ATF6: variants seen among roughly 807,000 people sequenced by gnomAD.
ATF6 encodes cyclic AMP-dependent transcription factor ATF-6 alpha.
A neutral mutation model predicts 83.6 loss-of-function variants in ATF6; 53 were observed. That is an observed-to-expected ratio of 0.63 (90% CI 0.51 to 0.80). The LOEUF (loss-of-function observed/expected upper bound fraction) is 0.80, where lower values mean the gene tolerates loss of function less well. Among genes scored for constraint, ATF6 ranks in the 30% least tolerant of loss-of-function variants. The probability of loss-of-function intolerance (pLI) is 0.00; values close to 1 mark genes in which losing one functional copy is unlikely to be tolerated. For missense variants in ATF6, 744 were observed against 797.9 expected, an observed-to-expected ratio of 0.93 and a Z score of 0.81; for synonymous variants, 288 against 285.8, an observed-to-expected ratio of 1.01 and a Z score of -0.08.
chr1:161,919,336 T>A lies in ATF6; in HGVS notation c.1804+6956T>A, dbSNP rs181118411. ...TGGATGATGGACTAAAAGCTACTGA[T>A]TTCTTTTTTTTAAAGGATTTTGGAA... On this transcript the variant is annotated intron_variant, in intron 15 of 15. Transcript: ENST00000367942. Among the ~76,000 whole-genome samples the A allele has an allele frequency of 3.5e-3, 529 of 152,284 alleles. 3 individuals are homozygous for A. The highest frequency in any genetic ancestry group is 3.5e-3 in the South Asian group (17 of 4,826).
Position 161,958,615 on chromosome 1 carries a change from A to C in ATF6, c.1974A>C (p.Ala658=), listed in dbSNP as rs1265582482. 1 of 1,613,872 alleles carries C rather than the reference A, an allele frequency of 6.2e-7. No homozygotes were observed. The highest frequency in any genetic ancestry group is 8.5e-7 in the Non-Finnish European group (1 of 1,179,902). The part of the protein sequence containing the change: ...FFGSPPAATE[A]THVVSTIPES... ...GCTCCCCTCCCGCAGCCACAGAGGCAACCCACGTTGTCAGCACCATCCCTG... is the reference window on the plus strand; with the variant it reads ...GCTCCCCTCCCGCAGCCACAGAGGCCACCCACGTTGTCAGCACCATCCCTG... The change falls in exon 16 of 16, where the codon GCA becomes GCC. Residue 658 remains alanine, a synonymous_variant. Transcript: ENST00000367942.
chr1:161,835,088 G>A (rs534949102), intron 9 of ATF6, among the ~76,000 whole-genome samples: 1 of 152,136 alleles, frequency 6.6e-6, no homozygotes, highest in East Asian at 1.9e-4. Flanking sequence ...TTTATTTTTA[G>A]AGACAGGATC....
chr1:161,939,170 T>C (rs566542467), intron 15 of ATF6, among the ~76,000 whole-genome samples: 2 of 152,344 alleles, frequency 1.3e-5, no homozygotes, highest in African/African-American at 4.8e-5. Context: ...ATTTACGTGA[T>C]TTCACTGAGA....
chr1:161,799,413 C>T (rs182608410), intron 6 of ATF6, among the ~76,000 whole-genome samples: 6 of 152,174 alleles, frequency 3.9e-5, no homozygotes, highest in Admixed American at 3.9e-4. Flanking sequence ...GGACAATAGA[C>T]AACAGGGGCT....
chr1:161,773,374 T>A (rs546893024), intron 1 of ATF6, among the ~76,000 whole-genome samples: 1 of 152,104 alleles, frequency 6.6e-6, no homozygotes, highest in African/African-American at 2.4e-5. Flanking sequence ...CCTGACCTCA[T>A]GATCCGCCTG....
chr1:161,874,802 C>T (rs1252442376), intron 14 of ATF6, among the ~76,000 whole-genome samples: 1 of 151,644 alleles, frequency 6.6e-6, no homozygotes, highest in Non-Finnish European at 1.5e-5. Flanking sequence ...TTTTCTTTGA[C>T]TTTGGAATGA....
intron 13 of ATF6, among the ~76,000 whole-genome samples, chr1:161,861,470 A>G (rs763297044): frequency 5.3e-5 from 8 of 152,218 alleles, no homozygotes; most frequent in Non-Finnish European, 8.8e-5. Context: ...TGTTTAAATA[A>G]TAACTAATCA....
intron 1 of ATF6, among the ~76,000 whole-genome samples, chr1:161,767,856 T>C (rs1432427510): frequency 6.6e-6 from 1 of 152,220 alleles, no homozygotes. Context: ...ACATTTCTTT[T>C]CTTTACCTCT....
Position 161,933,826 on chromosome 1 carries a change from C to G in ATF6, c.1804+21446C>G, listed in dbSNP as rs114502490. Among the ~76,000 whole-genome samples the G allele has an allele frequency of 1.5e-3, 226 of 152,308 alleles. 2 individuals carry two copies. Among genetic ancestry groups the G allele is most frequent in the Middle Eastern group, 6.8e-3 (2 of 294 alleles). Reference sequence around the variant, plus strand: ...CACTCCAGCACAGTTTTTCTTGCTCCTCCCCATGTTGATGCTCATGCATGC... The same window carrying G: ...CACTCCAGCACAGTTTTTCTTGCTCGTCCCCATGTTGATGCTCATGCATGC... On this transcript the variant is annotated intron_variant, in intron 15 of 15. Coordinates refer to ENST00000367942, the MANE Select transcript of ATF6 (RefSeq NM_007348.4).
rs200220130 is a variant in ATF6 at position 161,766,377 on chromosome 1, G to A, written c.17G>A (p.Gly6Glu). The A allele has an allele frequency of 6.2e-7, 1 of 1,612,962 alleles. No individual in the cohort carries two copies. Among genetic ancestry groups the A allele is most frequent in the South Asian group, 1.1e-5 (1 of 90,758 alleles). Residue 6 changes from glycine to glutamate, a missense_variant, in exon 1 of 16, where the codon GGG becomes GAG. Physicochemically the swap from Gly to Glu is moderately conservative, Grantham distance 98. Coordinates refer to ENST00000367942, the MANE Select transcript of ATF6 (RefSeq NM_007348.4). The stretch of plus-strand genomic sequence containing the variant: ...ACTTGTGAAATGGGGGAGCCGGCTG[G>A]GGTTGCCGGCACCATGGAGTCACCT... MGEPA[G>E]VAGTMESPFS...
Position 161,819,709 on chromosome 1 carries a change from A to T in ATF6, c.986A>T (p.Glu329Val). 1 of 1,613,384 alleles carries T rather than the reference A, an allele frequency of 6.2e-7. No homozygotes were observed. Among genetic ancestry groups the T allele is most frequent in the Middle Eastern group, 1.7e-4 (1 of 6,060 alleles). Residue 329 changes from glutamate (E) to valine (V), a missense_variant, in exon 8 of 16, where the codon GAA becomes GTA. Physicochemically the swap from Glu to Val is moderately radical, Grantham distance 121. Transcript: ENST00000367942. ...TGTCAGTCTCGCAAGAAGAAGAAAG[A>T]ATATATGCTAGGGTTAGAGGCGAGA... ...SACQSRKKKK[E>V]YMLGLEARLK...
intron 6 of ATF6, among the ~76,000 whole-genome samples, chr1:161,795,568 A>G (rs1469159769): frequency 6.6e-6 from 1 of 152,264 alleles, no homozygotes; most frequent in East Asian, 1.9e-4. Context: ...ATCTTTGAAG[A>G]AAGTTTAAAA....
At chr1:161,805,191 G>A (rs1354323032) in intron 7 of ATF6, among the ~76,000 whole-genome samples, 1 of 151,572 alleles carries the variant, frequency 6.6e-6, no homozygotes, top group Non-Finnish European at 1.5e-5. Context: ...ATATACCGTT[G>A]ACCTACATAT....
intron 14 of ATF6, among the ~76,000 whole-genome samples, chr1:161,864,169 T>G (rs891898031): frequency 3.3e-5 from 5 of 151,888 alleles, no homozygotes; most frequent in African/African-American, 1.2e-4. Flanking sequence ...TAGCTGGCTT[T>G]CTTTTTTTTT....
intron 2 of ATF6, among the ~76,000 whole-genome samples, chr1:161,780,020 G>A (rs142092311): frequency 0.013 from 1,980 of 152,216 alleles, 48 homozygotes; most frequent in African/African-American, 0.044. Context: ...TTACAGGCAT[G>A]AGCCACCACA....
At position 161,957,846 on chromosome 1, in the gene ATF6, A is replaced by G. The variant is rs568238092; in HGVS notation, c.1805-600A>G. Among the ~76,000 whole-genome samples the G allele has an allele frequency of 2.6e-5, 4 of 152,344 alleles. No homozygotes were observed. In the South Asian group the frequency reaches 8.3e-4, roughly 32 times the overall value. On this transcript the variant is annotated intron_variant, in intron 15 of 15. Transcript: ENST00000367942. ...GGAAGTGATCTCTGGAAAAGAGCAT[A>G]ATTGTCAGATGTCTATAACTTGTCA...
chr1:161,830,443 A>G (rs991325368), intron 9 of ATF6, among the ~76,000 whole-genome samples: 3 of 152,218 alleles, frequency 2.0e-5, no homozygotes, highest in Admixed American at 2.0e-4. Flanking sequence ...ATTGGAAAAA[A>G]CTACTTTGAA....
intron 9 of ATF6, among the ~76,000 whole-genome samples, chr1:161,822,997 T>A (rs985231562): frequency 6.6e-6 from 1 of 152,190 alleles, no homozygotes; most frequent in African/African-American, 2.4e-5. Context: ...GAATACATTA[T>A]TCTCTTTTAA....
At chr1:161,829,255 A>C (rs940752977) in intron 9 of ATF6, among the ~76,000 whole-genome samples, 8 of 135,104 alleles carry the variant, frequency 5.9e-5, no homozygotes, top group African/African-American at 2.3e-4. Context: ...GCTGGAGTGC[A>C]GTGGCGCGAT....
Sources: gnomAD v4.1 joint callset for allele counts (sites outside exome capture counted in the v4.1 genomes callset) on GRCh38, gnomAD v4.1.1 for gene constraint, MANE v1.5 for transcripts, NCBI Gene and HGNC (gene_info 2026-07-23, HGNC 2026-07-21) for gene names.